The following CA1 variants were observed in gnomAD, a reference collection of about 807,000 sequenced individuals.
CA1 encodes the protein carbonate dehydratase I.
CA1 carries 27 observed loss-of-function variants against 28.8 expected under a neutral mutation model. The observed-to-expected ratio is 0.94, with a 90% CI of 0.69 to 1.29. CA1 has a LOEUF of 1.29. CA1 is among the 50% of genes most tolerant of loss of function. The pLI is 0.00. For missense variants in CA1, 335 were observed against 310.5 expected (o/e 1.08, Z -0.59); for synonymous variants, 121 against 108.8 (o/e 1.11, Z -0.70).
chr8:85,328,656 A>T lies in CA1; in HGVS notation c.690T>A (p.Leu230=). 6.2e-7 allele frequency: 1 copy of T among 1,608,650 alleles called. No individual in the cohort carries two copies. The highest frequency in any genetic ancestry group is 8.5e-7 in the Non-Finnish European group (1 of 1,176,076). ...SSEQLAQFRS[L]LSNVEGDNAV... ...CGTTATCACCTTCAACATTTGATAG[A>T]AGGCTGCGGAATTGTGCCAGCTAGA... is the stretch of plus-strand genomic sequence containing the variant. Residue 230 remains leucine (L), a synonymous_variant, in exon 8 of 8, where the codon CTT becomes CTA. Transcript: ENST00000523022.
intron 1 of CA1, among the ~76,000 whole-genome samples, chr8:85,356,601 TA>T (rs985020371): frequency 6.6e-5 from 10 of 152,188 alleles, no homozygotes; most frequent in Admixed American, 2.6e-4. Context: ...TTTAGGAAAT[TA>T]AAAATTTAAA....
intron 1 of CA1, among the ~76,000 whole-genome samples, chr8:85,364,295 T>C (rs1453279819): frequency 1.3e-5 from 2 of 152,230 alleles, no homozygotes; most frequent in Non-Finnish European, 2.9e-5. Flanking sequence ...AGATGATAGG[T>C]ATTTCTTGAA....
At chr8:85,375,885 A>G (rs1025595309) in intron 1 of CA1, among the ~76,000 whole-genome samples, 1 of 152,234 alleles carries the variant, frequency 6.6e-6, no homozygotes, top group Non-Finnish European at 1.5e-5. Flanking sequence ...GGAATGGTCA[A>G]TAAAATGACA....
At chr8:85,356,466 A>T (rs1220460241) in intron 1 of CA1, among the ~76,000 whole-genome samples, 1 of 152,186 alleles carries the variant, frequency 6.6e-6, no homozygotes, top group Non-Finnish European at 1.5e-5. Flanking sequence ...AAATTGATAA[A>T]TGCAAGGTAC....
intron 1 of CA1, among the ~76,000 whole-genome samples, chr8:85,346,106 A>G (rs892853927): frequency 6.6e-6 from 1 of 152,288 alleles, no homozygotes. Flanking sequence ...ATTTTAATAC[A>G]CAGCATAAAG....
chr8:85,344,236 ATATATAATTATATATTATATACAG>A (rs1809063176), intron 1 of CA1, among the ~76,000 whole-genome samples: 1 of 99,376 alleles, frequency 1.0e-5, no homozygotes, highest in Non-Finnish European at 1.8e-5. Flanking sequence ...ACAGTATATA[ATATATAATTATATATTATATACAG>A]TATATAATAT....
At chr8:85,341,089 G>A (rs994953043) in intron 2 of CA1, 2 of 147,244 alleles carry the variant, frequency 1.4e-5, no homozygotes, top group African/African-American at 5.1e-5. Context: ...AGATTGCAGT[G>A]AGCCTAGATC....
At chr8:85,356,001 G>A (rs1268353916) in intron 1 of CA1, among the ~76,000 whole-genome samples, 1 of 152,116 alleles carries the variant, frequency 6.6e-6, no homozygotes, top group Non-Finnish European at 1.5e-5. Context: ...TCACAAATGA[G>A]GAGATTGAAA....
chr8:85,337,436 A>T (rs1028664060), intron 3 of CA1, among the ~76,000 whole-genome samples: 56 of 152,206 alleles, frequency 3.7e-4, no homozygotes, highest in African/African-American at 1.1e-3. Flanking sequence ...GACAGTATGC[A>T]TCAAAAATCT....
At chr8:85,377,588 T>C (rs1810465039) in intron 1 of CA1, among the ~76,000 whole-genome samples, 1 of 152,176 alleles carries the variant, frequency 6.6e-6, no homozygotes, top group Non-Finnish European at 1.5e-5. Context: ...GCAGATCACC[T>C]GAGGTCAGTA....
chr8:85,334,928 T>G (rs1808585595), intron 4 of CA1, among the ~76,000 whole-genome samples: 1 of 152,060 alleles, frequency 6.6e-6, no homozygotes, highest in Admixed American at 6.6e-5. Flanking sequence ...AGGAGGAGGT[T>G]GCAGTAAGCC....
chr8:85,348,397 T>G (rs370358374), intron 1 of CA1, among the ~76,000 whole-genome samples: 2 of 152,300 alleles, frequency 1.3e-5, no homozygotes, highest in East Asian at 1.9e-4. Flanking sequence ...CTAAATGCCT[T>G]CTAGTACTGG....
rs1250256928 is a variant in CA1 at position 85,353,601 on chromosome 8, T to TTTTTGTTTTACATG, written c.-24-11956_-24-11943dup. ...TACTATACAAAGAGTAATTTTTTTCTTTTTGTTTTACATGTTTTGTTTTAC... is the reference window on the plus strand; with the variant it reads ...TACTATACAAAGAGTAATTTTTTTCTTTTTGTTTTACATGTTTTGTTTTACATGTTTTGTTTTAC... On this transcript the variant is annotated intron_variant, in intron 1 of 7. Transcript: ENST00000523022. Among the ~76,000 whole-genome samples the TTTTTGTTTTACATG allele has an allele frequency of 5.9e-5, 9 of 152,312 alleles. No homozygotes were observed. The South Asian group carries it at 1.7e-3, about 28-fold the overall frequency.
chr8:85,362,045 AC>A (rs1018737488), intron 1 of CA1, among the ~76,000 whole-genome samples: 17 of 152,160 alleles, frequency 1.1e-4, no homozygotes, highest in Admixed American at 3.9e-4. Flanking sequence ...AATCCAAAAT[AC>A]GTTTTTGGGG....
At chr8:85,353,492 CG>C (rs1186025308) in intron 1 of CA1, among the ~76,000 whole-genome samples, 29 of 152,136 alleles carry the variant, frequency 1.9e-4, no homozygotes, top group African/African-American at 6.5e-4. Context: ...TTTGCTCTTT[CG>C]AAAAAAATAC....
Position 85,338,445 on chromosome 8 carries a change from A to G in CA1, c.42T>C (p.Pro14=), listed in dbSNP as rs372312718. The G allele has an allele frequency of 2.4e-5, 38 of 1,613,108 alleles. No individual in the cohort carries two copies. In the Middle Eastern group the frequency reaches 4.9e-4, roughly 21 times the overall value. ...PDWGYDDKNG[P]EQWSKLYPIA... The stretch of plus-strand genomic sequence containing the variant: ...TGGGATACAGCTTGCTCCATTGTTC[A>G]GGACCTACCAGGACAAACACGTGTA... Residue 14 remains proline (P), a synonymous_variant, in exon 3 of 8, where the codon CCT becomes CCC. Transcript: ENST00000523022.
intron 1 of CA1, among the ~76,000 whole-genome samples, chr8:85,368,330 G>A (rs548378903): frequency 1.3e-4 from 19 of 151,802 alleles, no homozygotes; most frequent in African/African-American, 4.3e-4. Context: ...ACCATGCCCG[G>A]GTAATTTTTT....
intron 1 of CA1, among the ~76,000 whole-genome samples, chr8:85,363,072 C>A (rs188135313): frequency 6.6e-6 from 1 of 152,110 alleles, no homozygotes; most frequent in African/African-American, 2.4e-5. Context: ...TCATCATGGT[C>A]GCTGTTTTGT....
At chr8:85,376,552 C>G (rs1206482473) in intron 1 of CA1, among the ~76,000 whole-genome samples, 1 of 151,242 alleles carries the variant, frequency 6.6e-6, no homozygotes, top group Non-Finnish European at 1.5e-5. Flanking sequence ...GTCCCAGGTA[C>G]TCCGGAGACT....
Sources: allele counts gnomAD v4.1 joint callset (sites outside exome capture counted in the v4.1 genomes callset), GRCh38; gene constraint gnomAD v4.1.1; transcripts MANE v1.5; gene names NCBI Gene and HGNC (gene_info 2026-07-23, HGNC 2026-07-21).